The following RNGTT variants were observed in gnomAD, a reference collection of about 807,000 sequenced individuals.
RNGTT encodes mRNA-capping enzyme.
A neutral mutation model predicts 79.3 loss-of-function variants in RNGTT; 33 were observed. The ratio of observed to expected loss-of-function variants is 0.42; its 90% CI spans 0.32 to 0.56. RNGTT has a LOEUF of 0.56. Among genes scored for constraint, RNGTT ranks in the 20% least tolerant of loss-of-function variants. The pLI is 0.17. For synonymous variants in RNGTT, 222 were observed against 235.9 expected, an observed-to-expected ratio of 0.94 and a Z score of 0.54; for missense variants, 497 against 739.1, an observed-to-expected ratio of 0.67 and a Z score of 3.80.
At chr6:88,926,860 T>C (rs972377433) in intron 4 of RNGTT, among the ~76,000 whole-genome samples, 2 of 152,244 alleles carry the variant, frequency 1.3e-5, no homozygotes, top group Non-Finnish European at 2.9e-5. Flanking sequence ...ATGTTCAATA[T>C]GTGATAGCCA....
At position 88,906,364 on chromosome 6, in the gene RNGTT, C is replaced by A; in HGVS notation, c.443+1G>T. ...CTTCCATTATAACAAGATACAAATA[C>A]CTCCAATCCATTTTCTCCACCAAAA... On this transcript the variant is annotated splice_donor_variant, in intron 5 of 15. Coordinates refer to ENST00000369485, the MANE Select transcript of RNGTT (RefSeq NM_003800.5). LOFTEE classifies it high-confidence loss of function. The A allele has an allele frequency of 6.3e-7, 1 of 1,576,400 alleles. No homozygotes were observed. Among genetic ancestry groups the A allele is most frequent in the Non-Finnish European group, 8.6e-7 (1 of 1,157,620 alleles).
intron 11 of RNGTT, among the ~76,000 whole-genome samples, chr6:88,831,840 T>C (rs1265792088): frequency 1.3e-5 from 2 of 152,158 alleles, no homozygotes; most frequent in Non-Finnish European, 2.9e-5. Context: ...CCATTCACAA[T>C]TGCTACAAAG....
intron 6 of RNGTT, among the ~76,000 whole-genome samples, chr6:88,898,599 A>G (rs1397968073): frequency 6.6e-6 from 1 of 150,960 alleles, no homozygotes; most frequent in Non-Finnish European, 1.5e-5. Context: ...TTCTTAGTAT[A>G]TCTAGTATTA....
intron 11 of RNGTT, among the ~76,000 whole-genome samples, chr6:88,827,410 C>A (rs1182133807): frequency 6.6e-6 from 1 of 152,286 alleles, no homozygotes; most frequent in South Asian, 2.1e-4. Context: ...CGGTAGATTC[C>A]CTCGGATGCC....
rs577173894 is a variant in RNGTT, at chr6:88,765,606, A to G, written c.1439+4168T>C. ...ATCTTCAGCACAACAAATCTACAAA[A>G]TAAACATTATTCCTGTGGACATTTT... On this transcript the variant is annotated intron_variant, in intron 13 of 15. Coordinates refer to ENST00000369485, the MANE Select transcript of RNGTT (RefSeq NM_003800.5). Among the ~76,000 whole-genome samples, 65 of 152,330 alleles carry G rather than the reference A, an allele frequency of 4.3e-4. No individual in the cohort carries two copies. In the Middle Eastern group the frequency reaches 0.024, roughly 56 times the overall value.
chr6:88,729,796 C>T (rs1021372087), intron 13 of RNGTT, among the ~76,000 whole-genome samples: 8 of 152,172 alleles, frequency 5.3e-5, no homozygotes, highest in African/African-American at 1.9e-4. Context: ...ATAACAAAGG[C>T]ATTGCAAGGT....
intron 13 of RNGTT, among the ~76,000 whole-genome samples, chr6:88,727,163 G>C (rs770980881): frequency 6.6e-6 from 1 of 152,144 alleles, no homozygotes; most frequent in Non-Finnish European, 1.5e-5. Context: ...CGGAATTTAT[G>C]CAAAAAATGT....
chr6:88,616,785 A>G (rs1339343467), intron 14 of RNGTT, among the ~76,000 whole-genome samples: 1 of 152,214 alleles, frequency 6.6e-6, no homozygotes, highest in African/African-American at 2.4e-5. Context: ...TATTCTGGAC[A>G]TTAACTTCTT....
At chr6:88,944,697 T>C (rs908423874) in intron 1 of RNGTT, among the ~76,000 whole-genome samples, 1 of 152,224 alleles carries the variant, frequency 6.6e-6, no homozygotes, top group Non-Finnish European at 1.5e-5. Context: ...AAAAGTTTAA[T>C]ACACATACTC....
At position 88,649,131 on chromosome 6, in the gene RNGTT, T is replaced by C. The variant is rs1462531125; in HGVS notation, c.1506+29222A>G. Among the ~76,000 whole-genome samples, 3 of 152,216 alleles carry C rather than the reference T, an allele frequency of 2.0e-5. 1 individual carries two copies. On this transcript the variant is annotated intron_variant, in intron 14 of 15. Coordinates refer to ENST00000369485, the MANE Select transcript of RNGTT (RefSeq NM_003800.5). ...AGTCACAGTTTCCAAGAACCTATCA[T>C]CGATGTTAAGTGAGGACTTACTGTA...
At position 88,715,303 on chromosome 6, in the gene RNGTT, A is replaced by G. The variant is rs530663002; in HGVS notation, c.1440-36884T>C. On this transcript the variant is annotated intron_variant, in intron 13 of 15. Transcript: ENST00000369485. The stretch of plus-strand genomic sequence containing the variant: ...AAGAACAACTACAAACCACTGCTCA[A>G]TGAAATAAAAGAGGATACAAACAAA... 1.1e-4 allele frequency among the ~76,000 whole-genome samples: 16 copies of G among 152,338 alleles called. No homozygotes were observed. In the East Asian group the frequency reaches 2.3e-3, roughly 22 times the overall value.
chr6:88,662,066 C>G (rs1774207196), intron 14 of RNGTT, among the ~76,000 whole-genome samples: 1 of 152,110 alleles, frequency 6.6e-6, no homozygotes, highest in Non-Finnish European at 1.5e-5. Flanking sequence ...AAACAAAAAC[C>G]ATATCAATGG....
At position 88,909,201 on chromosome 6, in the gene RNGTT, G is replaced by A. The variant is rs551748721; in HGVS notation, c.368-2761C>T. 3.9e-5 allele frequency among the ~76,000 whole-genome samples: 6 copies of A among 152,322 alleles called. No homozygotes were observed. In the South Asian group the frequency reaches 8.3e-4, roughly 21 times the overall value. ...CTTGGAGCATCTGAAATGGCTCAAC[G>A]AACTGGGCACGCAGGGCTTTTGAGA... On this transcript the variant is annotated intron_variant, in intron 4 of 15. Transcript: ENST00000369485.
chr6:88,617,001 A>G (rs1009604502), intron 14 of RNGTT, among the ~76,000 whole-genome samples: 2 of 152,240 alleles, frequency 1.3e-5, no homozygotes, highest in Non-Finnish European at 2.9e-5. Context: ...GGCCGGGCAC[A>G]GTGGCTCACG....
intron 8 of RNGTT, among the ~76,000 whole-genome samples, chr6:88,868,857 ACTC>A (rs1782263881): frequency 6.6e-6 from 1 of 152,036 alleles, no homozygotes; most frequent in Non-Finnish European, 1.5e-5. Context: ...TCTTTTTCAT[ACTC>A]TCATGTTATT....
intron 8 of RNGTT, among the ~76,000 whole-genome samples, chr6:88,863,461 C>T (rs1303178901): frequency 2.0e-5 from 3 of 152,060 alleles, no homozygotes; most frequent in South Asian, 2.1e-4. Context: ...TAATTCATCA[C>T]AAGTAAATTT....
chr6:88,894,019 T>C (rs1362410988), intron 6 of RNGTT, among the ~76,000 whole-genome samples: 1 of 152,250 alleles, frequency 6.6e-6, no homozygotes, highest in African/African-American at 2.4e-5. Context: ...TGGTTATTTC[T>C]ACCTAGAGCT....
At chr6:88,856,448 C>T (rs1781848147) in intron 8 of RNGTT, among the ~76,000 whole-genome samples, 1 of 151,724 alleles carries the variant, frequency 6.6e-6, no homozygotes, top group African/African-American at 2.4e-5. Context: ...ATCTTAGTAT[C>T]AGACCTTTTC....
At chr6:88,899,024 T>A (rs542505407) in intron 6 of RNGTT, among the ~76,000 whole-genome samples, 20 of 151,908 alleles carry the variant, frequency 1.3e-4, no homozygotes, top group African/African-American at 4.8e-4. Context: ...TTTAATAAAC[T>A]AAAGATTAAT....
Sources: allele counts gnomAD v4.1 joint callset (sites outside exome capture counted in the v4.1 genomes callset), GRCh38; gene constraint gnomAD v4.1.1; transcripts MANE v1.5; gene names NCBI Gene and HGNC (gene_info 2026-07-23, HGNC 2026-07-21).